Variants in PCDH15 observed in about 807,000 individuals in gnomAD.
The protein encoded by PCDH15 is protocadherin related 15.
In PCDH15, 129 loss-of-function variants were observed where a neutral mutation model predicts 178.5. The ratio of observed to expected loss-of-function variants is 0.72; its 90% CI spans 0.63 to 0.84. The LOEUF (loss-of-function observed/expected upper bound fraction) is 0.84, where lower values mean the gene tolerates loss of function less well. Ranked by LOEUF, PCDH15 falls within the 40% of genes least tolerant of loss-of-function variation. The pLI, the probability that PCDH15 is intolerant of heterozygous loss-of-function variation, is 0.00. For missense variants in PCDH15, 2,230 were observed against 2,099.9 expected (o/e 1.06, Z -1.21); for synonymous variants, 800 against 732.0 (o/e 1.09, Z -1.50).
chr10:53,939,515 T>C (rs2085864029), intron 24 of PCDH15, among the ~76,000 whole-genome samples: 2 of 152,092 alleles, frequency 1.3e-5, no homozygotes, highest in African/African-American at 2.4e-5. Context: ...GGCACTTTGG[T>C]AAACTTTATA....
intron 1 of PCDH15, among the ~76,000 whole-genome samples, chr10:55,287,314 G>A (rs778886452): frequency 3.9e-5 from 6 of 151,950 alleles, no homozygotes; most frequent in Non-Finnish European, 7.4e-5. Context: ...CATAGCCCCT[G>A]CTCCTATAAT....
intron 1 of PCDH15, among the ~76,000 whole-genome samples, chr10:55,209,836 T>C (rs1377257379): frequency 6.6e-6 from 1 of 152,070 alleles, no homozygotes; most frequent in Non-Finnish European, 1.5e-5. Flanking sequence ...AAAAAAGCGA[T>C]CCATGCTAAA....
intron 14 of PCDH15, among the ~76,000 whole-genome samples, chr10:54,141,435 T>C (rs1386689066): frequency 6.6e-6 from 1 of 152,170 alleles, no homozygotes; most frequent in Non-Finnish European, 1.5e-5. Flanking sequence ...TTTGGAAAAG[T>C]AGATGAGAAT....
chr10:53,809,797 C>T (rs537046282), intron 37 of PCDH15, among the ~76,000 whole-genome samples: 16 of 152,210 alleles, frequency 1.1e-4, no homozygotes, highest in African/African-American at 2.6e-4. Flanking sequence ...TGTTACTCAA[C>T]GTTTAATTTT....
chr10:54,931,340 A>G (rs1837770883), intron 2 of PCDH15, among the ~76,000 whole-genome samples: 1 of 152,216 alleles, frequency 6.6e-6, no homozygotes, highest in African/African-American at 2.4e-5. Context: ...CTAAAACTCA[A>G]ATATGAAGTT....
At chr10:55,447,980 G>A (rs373833460) in intron 2 of PCDH15, among the ~76,000 whole-genome samples, 151 of 151,982 alleles carry the variant, frequency 9.9e-4, no homozygotes, top group Admixed American at 5.6e-3. Context: ...GGATAAAACT[G>A]GTTAACACTG....
intron 2 of PCDH15, among the ~76,000 whole-genome samples, chr10:55,129,052 C>T (rs983578552): frequency 6.6e-6 from 1 of 152,044 alleles, no homozygotes; most frequent in Non-Finnish European, 1.5e-5. Flanking sequence ...CAGATGGTTG[C>T]TTGCACAATT....
chr10:54,662,735 C>A (rs1476742670), intron 2 of PCDH15, among the ~76,000 whole-genome samples: 1 of 151,904 alleles, frequency 6.6e-6, no homozygotes, highest in African/African-American at 2.4e-5. Flanking sequence ...GAATACTTTC[C>A]TGCTCAGTGT....
At chr10:54,737,733 T>C (rs528114131) in intron 1 of PCDH15, among the ~76,000 whole-genome samples, 6 of 152,210 alleles carry the variant, frequency 3.9e-5, no homozygotes, top group African/African-American at 1.4e-4. Context: ...CTATGGCAAA[T>C]AAATAATTAA....
chr10:53,941,109 C>T, intron 23 of PCDH15, 134 bp from the exon 24 acceptor site: 1 of 657,082 alleles, frequency 1.5e-6, no homozygotes, highest in Non-Finnish European at 2.7e-6. Flanking sequence ...ATGGCCTCCT[C>T]CATGATCAAA....
chr10:54,580,456 C>T (rs2090933248), intron 2 of PCDH15, among the ~76,000 whole-genome samples: 1 of 151,728 alleles, frequency 6.6e-6, no homozygotes, highest in South Asian at 2.1e-4. Flanking sequence ...TCATAAAAAA[C>T]CCTATGAATC....
intron 3 of PCDH15, among the ~76,000 whole-genome samples, chr10:54,472,132 T>C (rs970564156): frequency 2.0e-5 from 3 of 152,104 alleles, no homozygotes; most frequent in Non-Finnish European, 4.4e-5. Context: ...AAAAATAAAG[T>C]GTGTCCTTTT....
At chr10:55,141,130 T>C (rs1282512726) in intron 2 of PCDH15, among the ~76,000 whole-genome samples, 1 of 152,092 alleles carries the variant, frequency 6.6e-6, no homozygotes, top group Non-Finnish European at 1.5e-5. Context: ...ATTATTTATT[T>C]GAGTTTTTTT....
intron 2 of PCDH15, among the ~76,000 whole-genome samples, chr10:55,407,268 T>G (rs1838221133): frequency 6.6e-6 from 1 of 152,154 alleles, no homozygotes; most frequent in Admixed American, 6.5e-5. Context: ...TCTTGGATGA[T>G]CTCACATCAG....
chr10:55,103,188 C>T (rs537571356), intron 2 of PCDH15, among the ~76,000 whole-genome samples: 2 of 147,746 alleles, frequency 1.4e-5, no homozygotes, highest in East Asian at 4.0e-4. Context: ...CCATTTGTTT[C>T]AGCGCCAGTG....
At position 54,195,687 on chromosome 10, in the gene PCDH15, T is replaced by C. The variant is rs200772330; in HGVS notation, c.1301A>G (p.Glu434Gly). The change falls in exon 11 of 38, where the codon GAA becomes GGA. Residue 434 changes from glutamate to glycine, a missense_variant. By Grantham distance (98) the Glu-to-Gly change is moderately conservative. Transcript: ENST00000644397. The stretch of plus-strand genomic sequence containing the variant: ...CAAAATATGTATTTAACTTACATCT[T>C]CTATGTCCTTGTCCAGAGCTACTAT... Reference protein sequence around the residue: ...LRIVALDKDIEDTKDPELHLF... With the variant: ...LRIVALDKDIGDTKDPELHLF... The C allele has an allele frequency of 6.2e-7, 1 of 1,612,420 alleles. No homozygotes were observed. The highest frequency in any genetic ancestry group is 1.3e-5 in the African/African-American group (1 of 74,934).
At chr10:55,422,152 A>T (rs1838637188) in intron 2 of PCDH15, among the ~76,000 whole-genome samples, 1 of 151,752 alleles carries the variant, frequency 6.6e-6, no homozygotes, top group South Asian at 2.1e-4. Flanking sequence ...AACAACCACC[A>T]ATCTAAAAAC....
chr10:55,034,921 A>G lies in PCDH15; in HGVS notation c.-80+131655T>C, dbSNP rs535727379. On this transcript the variant is annotated intron_variant, in intron 2 of 5. Coordinates refer to the PCDH15 transcript ENST00000458638. Reference sequence around the variant, plus strand: ...CCAAATTAAGCTCAAAATAATGGAAAAGATATTGTAATGAGGAATAGGAAA... The same window carrying G: ...CCAAATTAAGCTCAAAATAATGGAAGAGATATTGTAATGAGGAATAGGAAA... Among the ~76,000 whole-genome samples, 10 of 152,304 alleles carry G rather than the reference A, an allele frequency of 6.6e-5. No homozygotes were observed. The East Asian group carries it at 1.9e-3, about 29-fold the overall frequency.
At chr10:55,555,671 T>C (rs1842076228) in intron 2 of PCDH15, among the ~76,000 whole-genome samples, 1 of 152,096 alleles carries the variant, frequency 6.6e-6, no homozygotes, top group Non-Finnish European at 1.5e-5. Flanking sequence ...ATATCCTATC[T>C]TTGAACTTCT....
Sources: gnomAD v4.1 joint callset for allele counts (sites outside exome capture counted in the v4.1 genomes callset) on GRCh38, gnomAD v4.1.1 for gene constraint, MANE v1.5 for transcripts, NCBI Gene and HGNC (gene_info 2026-07-23, HGNC 2026-07-21) for gene names.